Variants in ACTR2 observed in about 807,000 individuals in gnomAD.
The protein encoded by ACTR2 is actin related protein 2.
In ACTR2, 5 loss-of-function variants were observed where a neutral mutation model predicts 50.2. The observed-to-expected ratio is 0.10, with a 90% CI of 0.05 to 0.21. ACTR2 has a LOEUF of 0.21. Ranked by LOEUF, ACTR2 falls within the 10% of genes least tolerant of loss-of-function variation. The pLI is 1.00. For synonymous variants in ACTR2, 140 were observed against 162.9 expected, an observed-to-expected ratio of 0.86 and a Z score of 1.07; for missense variants, 180 against 480.6, an observed-to-expected ratio of 0.37 and a Z score of 5.85.
intron 2 of ACTR2, chr2:65,242,594 C>T: frequency 4.1e-6 from 2 of 485,230 alleles, no homozygotes; most frequent in South Asian, 1.5e-5. Context: ...CTTTCCATAT[C>T]ATCCTTACTG....
chr2:65,229,962 A>C (rs1195515697), intron 1 of ACTR2, among the ~76,000 whole-genome samples: 1 of 152,170 alleles, frequency 6.6e-6, no homozygotes, highest in African/African-American at 2.4e-5. Flanking sequence ...TTGGAGGGAT[A>C]CATAAGAAAT....
chr2:65,252,773 AGC>A (rs1672078083), intron 4 of ACTR2, among the ~76,000 whole-genome samples: 1 of 152,220 alleles, frequency 6.6e-6, no homozygotes. Flanking sequence ...GTTTGAGACC[AGC>A]CTAGGCAACA....
intron 1 of ACTR2, among the ~76,000 whole-genome samples, chr2:65,231,077 T>C (rs1254939011): frequency 2.0e-5 from 3 of 151,804 alleles, no homozygotes; most frequent in African/African-American, 7.3e-5. Flanking sequence ...CTGATTGTAG[T>C]ATGTTATTGA....
In ACTR2 at chr2:65,269,429, C is replaced by G. The variant is rs1281397978; in HGVS notation, c.*695C>G. On this transcript the variant is annotated 3_prime_UTR_variant, in exon 9 of 9. Transcript: ENST00000260641. ...TTTGGCAGGTTTTCTTCTACTTGTGCTCTGCCTGGAGCTGTTTCCATATGA... is the reference window on the plus strand; with the variant it reads ...TTTGGCAGGTTTTCTTCTACTTGTGGTCTGCCTGGAGCTGTTTCCATATGA... 1 of 152,120 alleles carries G rather than the reference C, an allele frequency of 6.6e-6. No homozygotes were observed. The highest frequency in any genetic ancestry group is 2.4e-5 in the African/African-American group (1 of 41,400). 9.4% of individuals were successfully genotyped at this position (152,120 alleles called of 1,614,324 possible). A position where few individuals can be genotyped will look rare whatever the true frequency, so the allele number is the denominator to read the frequency against.
At chr2:65,238,814 A>G (rs901173771) in intron 1 of ACTR2, among the ~76,000 whole-genome samples, 1 of 150,646 alleles carries the variant, frequency 6.6e-6, no homozygotes, top group African/African-American at 2.4e-5. Flanking sequence ...CTAAAAATGC[A>G]AAAATTAGCT....
chr2:65,243,044 G>C (rs898143622), intron 2 of ACTR2, among the ~76,000 whole-genome samples: 1 of 152,194 alleles, frequency 6.6e-6, no homozygotes, highest in African/African-American at 2.4e-5. Context: ...ACTTTGGGAG[G>C]CCCAGGCGGG....
chr2:65,268,351 C>G (rs1672424678), intron 8 of ACTR2, among the ~76,000 whole-genome samples: 1 of 152,040 alleles, frequency 6.6e-6, no homozygotes, highest in Admixed American at 6.6e-5. Context: ...CAGGACTGTT[C>G]CAAGCATGCT....
intron 6 of ACTR2, among the ~76,000 whole-genome samples, chr2:65,257,958 T>C (rs192653481): frequency 2.9e-4 from 44 of 152,340 alleles, no homozygotes; most frequent in Non-Finnish European, 4.6e-4. Context: ...TTAGAACCCA[T>C]TTGTCAATTT....
intron 7 of ACTR2, among the ~76,000 whole-genome samples, chr2:65,261,826 A>G (rs1256573417): frequency 6.6e-6 from 1 of 152,180 alleles, no homozygotes; most frequent in African/African-American, 2.4e-5. Context: ...GTTTTCTGTA[A>G]TAGCTGTACT....
chr2:65,244,737 C>T (rs978796806), intron 2 of ACTR2, among the ~76,000 whole-genome samples: 4 of 151,860 alleles, frequency 2.6e-5, no homozygotes, highest in East Asian at 1.9e-4. Context: ...CCCTTGAGCC[C>T]AGGAGTTCAA....
intron 2 of ACTR2, among the ~76,000 whole-genome samples, chr2:65,241,078 AGT>A (rs2103990995): frequency 6.6e-6 from 1 of 152,056 alleles, no homozygotes; most frequent in Non-Finnish European, 1.5e-5. Flanking sequence ...TGGGACACTC[AGT>A]GTAAGTTTTT....
rs1671956815 is a variant in ACTR2, at chr2:65,247,329, C to A, written c.375+590C>A. Among the ~76,000 whole-genome samples, 4 of 152,068 alleles carry A rather than the reference C, an allele frequency of 2.6e-5. No homozygotes were observed. The South Asian group carries it at 6.2e-4, about 24-fold the overall frequency. ...CATGGCCGGGCGCGGTGGCTCACGC[C>A]TGTAATCTCAGCACTTTGGGAGGCG... On this transcript the variant is annotated intron_variant, in intron 3 of 8. Transcript: ENST00000260641.
At position 65,270,332 on chromosome 2, in the gene ACTR2, G is replaced by C. The variant is rs975176120; in HGVS notation, c.*1598G>C. 6.6e-6 allele frequency: 1 copy of C among 152,550 alleles called. No homozygotes were observed. The highest frequency in any genetic ancestry group is 2.1e-4 in the South Asian group (1 of 4,826). 9.4% of individuals were successfully genotyped at this position (152,550 alleles called of 1,614,324 possible). A position where few individuals can be genotyped will look rare whatever the true frequency, so the allele number is the denominator to read the frequency against. ...CATTAGCTTAAATAAGCAGCAGAAGGTTAGTTTTAATTATGTAGCTTCTGT... is the reference window on the plus strand; with the variant it reads ...CATTAGCTTAAATAAGCAGCAGAAGCTTAGTTTTAATTATGTAGCTTCTGT... On this transcript the variant is annotated 3_prime_UTR_variant, in exon 9 of 9. Coordinates refer to ENST00000260641, the MANE Select transcript of ACTR2 (RefSeq NM_005722.4).
At chr2:65,228,315 G>A (rs976062250) in intron 1 of ACTR2, 1 of 243,822 alleles carries the variant, frequency 4.1e-6, no homozygotes, top group Non-Finnish European at 7.8e-6. Context: ...GTTCCGAGAA[G>A]GGCTCTTTTC....
In ACTR2 at chr2:65,232,997, GT is replaced by G. The variant is rs35572490; in HGVS notation, c.48+5056del. On this transcript the variant is annotated intron_variant, in intron 1 of 8. Coordinates refer to ENST00000260641, the MANE Select transcript of ACTR2 (RefSeq NM_005722.4). ...TTGTATTTTATCACATCATGGTTTAGTTTTTTTTTTTTTTTTAGACAGAGTC... is the reference window on the plus strand; with the variant it reads ...TTGTATTTTATCACATCATGGTTTAGTTTTTTTTTTTTTTTAGACAGAGTC... Among the ~76,000 whole-genome samples the G allele has an allele frequency of 1.3e-3, 180 of 140,910 alleles. 1 individual carries two copies. The highest frequency in any genetic ancestry group is 3.5e-3 in the Middle Eastern group (1 of 282). The allele number at this position is 140,910 out of a possible 152,430, so 92.4% of individuals were successfully genotyped here.
At chr2:65,263,833 A>G (rs985270359) in intron 7 of ACTR2, among the ~76,000 whole-genome samples, 1 of 147,490 alleles carries the variant, frequency 6.8e-6, no homozygotes, top group Non-Finnish European at 1.5e-5. Flanking sequence ...AGGCCGGCGA[A>G]TCACGAGGTC....
intron 2 of ACTR2, chr2:65,242,769 G>T: frequency 2.8e-6 from 1 of 361,022 alleles, no homozygotes; most frequent in Non-Finnish European, 5.5e-6. Flanking sequence ...ATTTTTCTGT[G>T]ATAGTCTAAG....
At chr2:65,249,902 T>C (rs112563977) in intron 3 of ACTR2, among the ~76,000 whole-genome samples, 4 of 152,200 alleles carry the variant, frequency 2.6e-5, no homozygotes, top group African/African-American at 7.2e-5. Context: ...GAATTAACCA[T>C]TGATTTTTGT....
intron 2 of ACTR2, among the ~76,000 whole-genome samples, chr2:65,243,070 C>T (rs374141423): frequency 6.6e-6 from 1 of 152,030 alleles, no homozygotes. Context: ...CACGAGGTCA[C>T]GAGTTCAAGA....
Sources: gnomAD v4.1 joint callset for allele counts (sites outside exome capture counted in the v4.1 genomes callset) on GRCh38, gnomAD v4.1.1 for gene constraint, MANE v1.5 for transcripts, NCBI Gene and HGNC (gene_info 2026-07-23, HGNC 2026-07-21) for gene names.